The following RBFOX1 variants were observed in gnomAD, a reference collection of about 807,000 sequenced individuals.
RBFOX1 encodes RNA binding fox-1 homolog 1.
RBFOX1 carries 8 observed loss-of-function variants against 57.7 expected under a neutral mutation model. The observed-to-expected ratio is 0.14, with a 90% confidence interval of 0.08 to 0.25. The LOEUF (loss-of-function observed/expected upper bound fraction) is 0.25, where lower values mean the gene tolerates loss of function less well. RBFOX1 is among the 10% of genes least tolerant of loss of function. The pLI is 1.00. For missense variants in RBFOX1, 611 were observed against 548.5 expected, an observed-to-expected ratio of 1.11 and a Z score of -1.14; for synonymous variants, 326 against 222.4, an observed-to-expected ratio of 1.47 and a Z score of -4.15.
chr16:7,466,356 C>A (rs998344009), intron 4 of RBFOX1, among the ~76,000 whole-genome samples: 15 of 152,152 alleles, frequency 9.9e-5, no homozygotes, highest in Non-Finnish European at 2.1e-4. Flanking sequence ...TCATGCCAAG[C>A]TAGCGCTTCT....
intron 4 of RBFOX1, among the ~76,000 whole-genome samples, chr16:7,130,563 A>G (rs1470246494): frequency 1.3e-5 from 2 of 152,206 alleles, no homozygotes; most frequent in African/African-American, 4.8e-5. Context: ...ATGGAGTGAA[A>G]CAGTGAGTCA....
At chr16:5,621,641 T>C (rs1158181880) in intron 3 of RBFOX1, among the ~76,000 whole-genome samples, 1 of 152,118 alleles carries the variant, frequency 6.6e-6, no homozygotes, top group African/African-American at 2.4e-5. Flanking sequence ...TAAACCCCTA[T>C]CAACTCACTG....
chr16:6,584,836 C>T (rs901104388), intron 2 of RBFOX1, among the ~76,000 whole-genome samples: 2 of 152,138 alleles, frequency 1.3e-5, no homozygotes, highest in African/African-American at 4.8e-5. Context: ...AGCCTCCAGC[C>T]GATGTCTCAT....
At chr16:7,506,549 G>A (rs982836837) in intron 4 of RBFOX1, among the ~76,000 whole-genome samples, 7 of 151,918 alleles carry the variant, frequency 4.6e-5, no homozygotes, top group South Asian at 2.1e-4. Context: ...ACCAGACATC[G>A]TCATCACCAT....
At chr16:6,959,386 G>A (rs912635805) in intron 3 of RBFOX1, among the ~76,000 whole-genome samples, 4 of 152,196 alleles carry the variant, frequency 2.6e-5, no homozygotes, top group Admixed American at 6.6e-5. Flanking sequence ...TCAGAAAGTC[G>A]TTTTGTGGGG....
intron 3 of RBFOX1, among the ~76,000 whole-genome samples, chr16:6,844,346 T>G (rs964577477): frequency 3.9e-5 from 6 of 152,162 alleles, no homozygotes; most frequent in Non-Finnish European, 8.8e-5. Context: ...TCTGATGCTC[T>G]CTTTCCTTCC....
intron 1 of RBFOX1, among the ~76,000 whole-genome samples, chr16:5,398,297 A>ATG (rs1248415346): frequency 6.7e-6 from 1 of 148,596 alleles, no homozygotes; most frequent in South Asian, 2.2e-4. Context: ...ATGTGTGCTT[A>ATG]TGTGTGTGTG....
intron 4 of RBFOX1, among the ~76,000 whole-genome samples, chr16:7,486,090 T>C (rs536641489): frequency 1.3e-5 from 2 of 151,584 alleles, no homozygotes; most frequent in Admixed American, 1.3e-4. Flanking sequence ...TTCACTGTGC[T>C]GTCTGTGGGT....
chr16:6,784,763 G>A (rs1034394581), intron 3 of RBFOX1, among the ~76,000 whole-genome samples: 1 of 152,068 alleles, frequency 6.6e-6, no homozygotes, highest in East Asian at 1.9e-4. Context: ...GTGGTCGGGG[G>A]TTGTGGGGAA....
chr16:6,852,063 C>G (rs1014939894), intron 3 of RBFOX1, among the ~76,000 whole-genome samples: 9 of 151,772 alleles, frequency 5.9e-5, no homozygotes, highest in Non-Finnish European at 5.9e-5. Context: ...GTAGCTGAGA[C>G]TACAGGCACC....
chr16:7,354,807 G>A (rs2097186254), intron 4 of RBFOX1, among the ~76,000 whole-genome samples: 1 of 152,160 alleles, frequency 6.6e-6, no homozygotes, highest in African/African-American at 2.4e-5. Flanking sequence ...GGAGCTACAT[G>A]TGGTTTGTGT....
intron 2 of RBFOX1, among the ~76,000 whole-genome samples, chr16:6,619,819 A>G (rs2098200520): frequency 6.6e-6 from 1 of 151,414 alleles, no homozygotes; most frequent in South Asian, 2.1e-4. Context: ...TGGTAATCCT[A>G]GTACCCATTA....
chr16:7,197,998 C>CTTTCTTTCTTTTTTTTTTTTTTTTTT (rs61556349), intron 4 of RBFOX1, among the ~76,000 whole-genome samples: 12 of 55,592 alleles, frequency 2.2e-4, no homozygotes, highest in African/African-American at 2.9e-4. Flanking sequence ...TTCTTTCTTT[C>CTTTCTTTCTTTTTTTTTTTTTTTTTT]TTTTTTTTTT....
intron 3 of RBFOX1, among the ~76,000 whole-genome samples, chr16:6,823,764 G>C (rs2091714913): frequency 1.3e-5 from 2 of 152,094 alleles, no homozygotes; most frequent in Non-Finnish European, 2.9e-5. Context: ...ATCAGCCACT[G>C]TTCTAGTTGT....
chr16:7,265,714 G>T (rs2095103878), intron 4 of RBFOX1, among the ~76,000 whole-genome samples: 1 of 152,218 alleles, frequency 6.6e-6, no homozygotes, highest in African/African-American at 2.4e-5. Flanking sequence ...CTCCCAGTGT[G>T]CTGGGATTAT....
chr16:5,359,699 C>A (rs915898459), intron 1 of RBFOX1, among the ~76,000 whole-genome samples: 5 of 152,072 alleles, frequency 3.3e-5, no homozygotes, highest in African/African-American at 1.2e-4. Context: ...GCTTCTTTGC[C>A]GATCATTTCC....
chr16:6,983,122 A>T (rs2089387181), intron 3 of RBFOX1, among the ~76,000 whole-genome samples: 1 of 151,968 alleles, frequency 6.6e-6, no homozygotes, highest in African/African-American at 2.4e-5. Context: ...CCAGATACCA[A>T]AACTCTTAGC....
At chr16:6,703,421 A>G (rs1325959589) in intron 3 of RBFOX1, among the ~76,000 whole-genome samples, 4 of 152,222 alleles carry the variant, frequency 2.6e-5, no homozygotes, top group South Asian at 2.1e-4. Context: ...AGAAAATATA[A>G]AAAATATTAG....
At chr16:6,527,125 C>T (rs569863427) in intron 2 of RBFOX1, among the ~76,000 whole-genome samples, 2 of 152,066 alleles carry the variant, frequency 1.3e-5, no homozygotes, top group African/African-American at 4.8e-5. Flanking sequence ...ATTTATTATT[C>T]AATATGTTAA....
Sources: allele counts gnomAD v4.1 joint callset (sites outside exome capture counted in the v4.1 genomes callset), GRCh38; gene constraint gnomAD v4.1.1; transcripts MANE v1.5; gene names NCBI Gene and HGNC (gene_info 2026-07-23, HGNC 2026-07-21).